Variants in VEGFA observed in about 807,000 individuals in gnomAD.
VEGFA encodes the protein vascular endothelial growth factor A.
Under a neutral mutation model 49.7 loss-of-function variants are expected in VEGFA, and 20 were observed. That is an observed-to-expected ratio of 0.40 (90% CI 0.28 to 0.58). The LOEUF (loss-of-function observed/expected upper bound fraction) is 0.58. Among genes scored for constraint, VEGFA ranks in the 20% least tolerant of loss-of-function variants. VEGFA has a pLI of 0.40. For synonymous variants in VEGFA, 219 were observed against 223.4 expected (o/e 0.98, Z 0.18); for missense variants, 505 against 553.5 (o/e 0.91, Z 0.88).
rs963967208 is a variant in VEGFA at position 43,784,486 on chromosome 6, C to T, written c.1167-55C>T. 1.2e-4 allele frequency: 193 copies of T among 1,581,832 alleles called. 1 individual carries two copies. Among genetic ancestry groups the T allele is most frequent in the Non-Finnish European group, 1.6e-4 (182 of 1,150,650 alleles). Reference sequence around the variant, plus strand: ...GGAATGGGGAGGCCGCCTGCCTCATCGCCAGGCCTCCTCACTTGGCCCTAA... The same window carrying T: ...GGAATGGGGAGGCCGCCTGCCTCATTGCCAGGCCTCCTCACTTGGCCCTAA... On this transcript the variant is annotated intron_variant, in intron 7 of 7. Transcript: ENST00000672860.
At chr6:43,784,416 TC>T in intron 7 of VEGFA, 124 bp from the exon 8 acceptor site, 1 of 924,234 alleles carries the variant, frequency 1.1e-6, no homozygotes, top group South Asian at 1.3e-5. Flanking sequence ...TCCTGTCCTC[TC>T]TGCTCTTATG....
intron 4 of VEGFA, 159 bp downstream of exon 4, chr6:43,778,695 A>G: frequency 1.0e-6 from 1 of 992,898 alleles, no homozygotes; most frequent in Non-Finnish European, 1.6e-6. Flanking sequence ...CATCTGTAAA[A>G]TGGGCACAAT....
chr6:43,781,761 T>C (rs1582526300), intron 6 of VEGFA, 195 bp from the exon 7 acceptor site: 1 of 654,990 alleles, frequency 1.5e-6, no homozygotes, highest in South Asian at 1.7e-5. Context: ...GCGGCAGGTG[T>C]CCTAGCCAGT....
intron 6 of VEGFA, 119 bp downstream of exon 6, chr6:43,780,922 C>T: frequency 6.2e-7 from 1 of 1,610,060 alleles, no homozygotes; most frequent in Non-Finnish European, 8.5e-7. Context: ...GGCTCTCATC[C>T]TCCTGGCCCG....
chr6:43,771,709 T>C (rs58159269), intron 1 of VEGFA, among the ~76,000 whole-genome samples: 39,402 of 151,696 alleles, frequency 0.26, 5,716 homozygotes, highest in African/African-American at 0.39. Flanking sequence ...CAGAGACCAG[T>C]GGGCAGGGGG....
At chr6:43,779,907 C>T (rs1156561635) in intron 5 of VEGFA, 2 of 331,526 alleles carry the variant, frequency 6.0e-6, no homozygotes, top group Middle Eastern at 4.0e-4. Flanking sequence ...CTTCCTGTTT[C>T]CCCAAATGAC....
Position 43,779,177 on chromosome 6 carries a change from A to G in VEGFA, c.962+259A>G, listed in dbSNP as rs147206921. On this transcript the variant is annotated intron_variant, in intron 5 of 7. Transcript: ENST00000672860. Reference sequence around the variant, plus strand: ...CTTCTGGGTCTCCAGATCATTCCTGACCAGGACTTGCTGTTTCGGTGTGTC... The same window carrying G: ...CTTCTGGGTCTCCAGATCATTCCTGGCCAGGACTTGCTGTTTCGGTGTGTC... 171 of 588,844 alleles carry G rather than the reference A, an allele frequency of 2.9e-4. 2 individuals are homozygous for G. Among genetic ancestry groups the G allele is most frequent in the African/African-American group, 2.2e-3 (117 of 53,644 alleles). The allele number at this position is 588,844 out of a possible 1,614,324, so 36.5% of individuals were successfully genotyped here.
At chr6:43,778,587 G>A in intron 4 of VEGFA, 51 bp downstream of exon 4, 1 of 1,565,590 alleles carries the variant, frequency 6.4e-7, no homozygotes, top group Non-Finnish European at 8.8e-7. Context: ...CAGGGTGCCT[G>A]ATCTGTGCCA....
At position 43,784,665 on chromosome 6, in the gene VEGFA, C is replaced by G. The variant is rs1769148713; in HGVS notation, c.*103C>G. The G allele has an allele frequency of 2.5e-6, 4 of 1,582,586 alleles. No individual in the cohort carries two copies. In the African/African-American group the frequency reaches 5.4e-5, roughly 21 times the overall value. ...CGATACAGAAACCACGCTGCCGCCACCACACCATCACCATCGACAGAACAG... is the reference window on the plus strand; with the variant it reads ...CGATACAGAAACCACGCTGCCGCCAGCACACCATCACCATCGACAGAACAG... On this transcript the variant is annotated 3_prime_UTR_variant, in exon 8 of 8. Coordinates refer to ENST00000672860, the MANE Select transcript of VEGFA (RefSeq NM_003376.6).
intron 5 of VEGFA, 169 bp from the exon 6 acceptor site, chr6:43,780,563 G>GCGCC (rs1453400227): frequency 1.1e-6 from 1 of 870,134 alleles, no homozygotes; most frequent in Non-Finnish European, 1.8e-6. Flanking sequence ...ACGCCTGTGT[G>GCGCC]CGCCCGCGCA....
rs1220732587 is a variant in VEGFA, at chr6:43,781,608, A to G, written c.1035-348A>G. On this transcript the variant is annotated intron_variant, in intron 6 of 7. Coordinates refer to ENST00000672860, the MANE Select transcript of VEGFA (RefSeq NM_003376.6). ...CCCTGATTGCCATCCCCAGCAGGTGAAGAGTCAAGGCGTGCTCCGATGGGG... is the reference window on the plus strand; with the variant it reads ...CCCTGATTGCCATCCCCAGCAGGTGGAGAGTCAAGGCGTGCTCCGATGGGG... 1.1e-5 allele frequency: 4 copies of G among 354,668 alleles called. No homozygotes were observed. The East Asian group carries it at 2.9e-4, about 25-fold the overall frequency. The allele number at this position is 354,668 out of a possible 1,614,324, so 22.0% of individuals were successfully genotyped here. A position where few individuals can be genotyped will look rare whatever the true frequency, so the allele number is the denominator to read the frequency against.
chr6:43,781,811 CGCTCG>C, intron 6 of VEGFA, 140 bp from the exon 7 acceptor site: 1 of 1,064,086 alleles, frequency 9.4e-7, no homozygotes, highest in Non-Finnish European at 1.4e-6. Flanking sequence ...TTTGCTGTAG[CGCTCG>C]GATCCTTCCA....
intron 5 of VEGFA, 41 bp from the exon 6 acceptor site, chr6:43,780,691 C>A (rs369314111): frequency 1.2e-6 from 2 of 1,602,180 alleles, no homozygotes; most frequent in African/African-American, 2.7e-5. Context: ...CTCCCCCCAC[C>A]GCCCCCGCTC....
chr6:43,777,293 T>C lies in VEGFA; in HGVS notation c.659-176T>C, dbSNP rs1010613850. 1.4e-4 allele frequency: 103 copies of C among 710,620 alleles called. No individual in the cohort carries two copies. Among genetic ancestry groups the C allele is most frequent in the South Asian group, 8.4e-4 (55 of 65,466 alleles). The allele number at this position is 710,620 out of a possible 1,614,324, so 44.0% of individuals were successfully genotyped here. The stretch of plus-strand genomic sequence containing the variant: ...GAAAACAGGCCTTCACCAGTGTTGA[T>C]GGTGGAAAGCTTAGGGAAGTGCTTC... On this transcript the variant is annotated intron_variant, in intron 2 of 7. Coordinates refer to ENST00000672860, the MANE Select transcript of VEGFA (RefSeq NM_003376.6). This position sits in a 1 kb window ranked among gnomAD's most constrained non-coding sequence, Gnocchi z 4.3.
Position 43,781,970 on chromosome 6 carries a change from G to C in VEGFA, c.1049G>C (p.Cys350Ser). ...CCTTTTTGCAGTCCCTGTGGGCCTTGCTCAGAGCGGAGAAAGCATTTGTTT... is the reference window on the plus strand; with the variant it reads ...CCTTTTTGCAGTCCCTGTGGGCCTTCCTCAGAGCGGAGAAAGCATTTGTTT... Residue 350 changes from cysteine to serine, a missense_variant, in exon 7 of 8, where the codon TGC becomes TCC. Around this residue, in one of 2 missense-constraint regions of VEGFA, gnomAD observed 165 missense variants for 231.7 expected, o/e 0.71. Coordinates refer to ENST00000672860, the MANE Select transcript of VEGFA (RefSeq NM_003376.6). The C allele has an allele frequency of 6.2e-7, 1 of 1,613,906 alleles. No individual in the cohort carries two copies. Among genetic ancestry groups the C allele is most frequent in the Non-Finnish European group, 8.5e-7 (1 of 1,179,936 alleles).
Position 43,770,772 on chromosome 6 carries a change from G to T in VEGFA, c.66G>T (p.Arg22=), listed in dbSNP as rs1177711361. 1.4e-6 allele frequency: 2 copies of T among 1,480,230 alleles called. No homozygotes were observed. The highest frequency in any genetic ancestry group is 1.8e-6 in the Non-Finnish European group (2 of 1,122,524). The allele number at this position is 1,480,230 out of a possible 1,614,324, so 91.7% of individuals were successfully genotyped here. A position where few individuals can be genotyped will look rare whatever the true frequency, so the allele number is the denominator to read the frequency against. The change falls in exon 1 of 8, where the codon CGG becomes CGT. Residue 22 remains arginine, a synonymous_variant. Transcript: ENST00000672860. Reference sequence around the variant, plus strand: ...ACCACCTCCTCCCCGGCCGGCGGCGGACAGTGGACGCGGCGGCGAGCCGCG... The same window carrying T: ...ACCACCTCCTCCCCGGCCGGCGGCGTACAGTGGACGCGGCGGCGAGCCGCG...
rs904926409 is a variant in VEGFA at position 43,770,630 on chromosome 6, G to A, written c.-77G>A. 5 of 1,473,460 alleles carry A rather than the reference G, an allele frequency of 3.4e-6. No homozygotes were observed. The African/African-American group carries it at 5.9e-5, about 17-fold the overall frequency. 91.3% of individuals were successfully genotyped at this position (1,473,460 alleles called of 1,614,324 possible). A position where few individuals can be genotyped will look rare whatever the true frequency, so the allele number is the denominator to read the frequency against. On this transcript the variant is annotated 5_prime_UTR_variant, in exon 1 of 8. The change creates a new upstream start codon in the 5' untranslated region. Coordinates refer to ENST00000672860, the MANE Select transcript of VEGFA (RefSeq NM_003376.6). ...AGCGAAAGCGACAGGGGCAAAGTGA[G>A]TGACCTGCTTTTGGGGGTGACCGCC... is the stretch of plus-strand genomic sequence containing the variant.
intron 5 of VEGFA, chr6:43,779,537 G>A (rs917308290): frequency 1.0e-5 from 4 of 385,330 alleles, no homozygotes; most frequent in African/African-American, 2.1e-5. Flanking sequence ...TTCAAGACAG[G>A]GTGGGCGGCT....
chr6:43,778,622 G>GC, intron 4 of VEGFA, 86 bp downstream of exon 4: 1 of 1,412,258 alleles, frequency 7.1e-7, no homozygotes, highest in Admixed American at 1.8e-5. Context: ...GTACTTTTTG[G>GC]CCCCCGTCCA....
Sources: allele counts gnomAD v4.1 joint callset (sites outside exome capture counted in the v4.1 genomes callset), GRCh38; gene constraint gnomAD v4.1.1; regional missense constraint gnomAD v4.1.1; non-coding constraint Gnocchi (gnomAD v3.1); transcripts MANE v1.5; gene names NCBI Gene and HGNC (gene_info 2026-07-23, HGNC 2026-07-21).